The following IFFO2 variants were observed in gnomAD, a reference collection of about 807,000 sequenced individuals.
IFFO2 encodes the protein intermediate filament family orphan 2.
In IFFO2, 19 loss-of-function variants were observed where a neutral mutation model predicts 53.5. The observed-to-expected ratio is 0.36, with a 90% confidence interval of 0.25 to 0.52. IFFO2 has a LOEUF of 0.52. Among genes scored for constraint, IFFO2 ranks in the 20% least tolerant of loss-of-function variants. The pLI, the probability that IFFO2 is intolerant of heterozygous loss-of-function variation, is 0.94. For missense variants in IFFO2, 570 were observed against 727.4 expected (o/e 0.78, Z 2.49); for synonymous variants, 303 against 313.6 (o/e 0.97, Z 0.36).
chr1:18,916,892 G>C lies in IFFO2; in HGVS notation c.1103+11C>G. 6.4e-7 allele frequency: 1 copy of C among 1,551,680 alleles called. No homozygotes were observed. On this transcript the variant is annotated intron_variant, in intron 5 of 8. Coordinates refer to ENST00000455833, the MANE Select transcript of IFFO2 (RefSeq NM_001136265.2). The surrounding 1 kb of genome is among the most constrained non-coding windows in gnomAD (Gnocchi z 4.3). ...GGAAACGGAGAGTGTGCGGGCCACG[G>C]GGATACTCACAGCTGGTTAAACATG...
chr1:18,931,997 G>C (rs1429416150), intron 1 of IFFO2, among the ~76,000 whole-genome samples: 1 of 152,210 alleles, frequency 6.6e-6, no homozygotes, highest in Non-Finnish European at 1.5e-5. Flanking sequence ...GGTGCAGGAA[G>C]GCCTCGGCAC....
intron 1 of IFFO2, among the ~76,000 whole-genome samples, chr1:18,949,813 G>A (rs1046026871): frequency 2.0e-5 from 3 of 152,234 alleles, no homozygotes; most frequent in Admixed American, 1.3e-4. Context: ...GTGTGAGTGT[G>A]AGTGTGCATA....
chr1:18,924,319 C>A (rs1936253271), intron 1 of IFFO2, among the ~76,000 whole-genome samples: 1 of 151,274 alleles, frequency 6.6e-6, no homozygotes, highest in South Asian at 2.1e-4. Flanking sequence ...ACTGGTGAAC[C>A]AAGTTGCTGG....
At chr1:18,934,623 A>G (rs28703804) in intron 1 of IFFO2, among the ~76,000 whole-genome samples, 1 of 152,236 alleles carries the variant, frequency 6.6e-6, no homozygotes, top group Admixed American at 6.5e-5. Context: ...GATAAAACCA[A>G]TGTAAAACCC....
At chr1:18,938,224 G>T (rs1466363409) in intron 1 of IFFO2, among the ~76,000 whole-genome samples, 1 of 152,208 alleles carries the variant, frequency 6.6e-6, no homozygotes, top group Non-Finnish European at 1.5e-5. Context: ...CTGTAAAATG[G>T]GAATAACAAT....
chr1:18,909,209 G>A (rs939492982), intron 8 of IFFO2, among the ~76,000 whole-genome samples: 4 of 152,164 alleles, frequency 2.6e-5, no homozygotes, highest in Non-Finnish European at 5.9e-5. Flanking sequence ...CCTGCACACA[G>A]ATCTGGCCCC....
In IFFO2 at chr1:18,921,045, A is replaced by G. The variant is rs1936209083; in HGVS notation, c.726+16T>C. The G allele has an allele frequency of 6.4e-7, 1 of 1,551,200 alleles. No homozygotes were observed. The highest frequency in any genetic ancestry group is 8.7e-7 in the Non-Finnish European group (1 of 1,146,378). On this transcript the variant is annotated intron_variant, in intron 2 of 8. Transcript: ENST00000455833. Reference sequence around the variant, plus strand: ...CTGGCGTGCCTCTCCTGGTCGGGATATCGGAGGGCTCTTACCTCCTGCAGC... The same window carrying G: ...CTGGCGTGCCTCTCCTGGTCGGGATGTCGGAGGGCTCTTACCTCCTGCAGC...
chr1:18,939,495 G>A (rs1936494142), intron 1 of IFFO2, among the ~76,000 whole-genome samples: 1 of 152,206 alleles, frequency 6.6e-6, no homozygotes. Flanking sequence ...AGTGATCCCT[G>A]GGATTCAGGC....
At position 18,918,950 on chromosome 1, in the gene IFFO2, G is replaced by T. The variant is rs902263994; in HGVS notation, c.823-448C>A. On this transcript the variant is annotated intron_variant, in intron 3 of 8. Transcript: ENST00000455833. This position sits in a 1 kb window ranked among gnomAD's most constrained non-coding sequence, Gnocchi z 5.2. The stretch of plus-strand genomic sequence containing the variant: ...GAGGACCACAGGGTTGATCCCCTTG[G>T]ACACAAGTGAGAGGGAGCCCAGTGG... 6.6e-6 allele frequency among the ~76,000 whole-genome samples: 1 copy of T among 152,100 alleles called. No individual in the cohort carries two copies. Among genetic ancestry groups the T allele is most frequent in the Non-Finnish European group, 1.5e-5 (1 of 68,012 alleles).
At position 18,908,439 on chromosome 1, in the gene IFFO2, G is replaced by A; in HGVS notation, c.*122C>T. On this transcript the variant is annotated 3_prime_UTR_variant, in exon 9 of 9. Coordinates refer to ENST00000455833, the MANE Select transcript of IFFO2 (RefSeq NM_001136265.2). ...AGTCCCTCAGGGCCTCCAGAGAAGG[G>A]AGGGCAGAGAAAGTCTGTGTGGTGT... 1.4e-6 allele frequency: 1 copy of A among 698,400 alleles called. No homozygotes were observed. The allele number at this position is 698,400 out of a possible 1,614,324, so 43.3% of individuals were successfully genotyped here.
At chr1:18,954,745 C>G (rs1422340303) in intron 1 of IFFO2, among the ~76,000 whole-genome samples, 1 of 152,216 alleles carries the variant, frequency 6.6e-6, no homozygotes, top group African/African-American at 2.4e-5. Context: ...GAAGCAATGA[C>G]AGTTTCCCAG....
chr1:18,908,495 T>C lies in IFFO2; in HGVS notation c.*66A>G, dbSNP rs1260975034. The C allele has an allele frequency of 1.7e-6, 2 of 1,209,136 alleles. No homozygotes were observed. Among genetic ancestry groups the C allele is most frequent in the Admixed American group, 2.0e-5 (1 of 50,468 alleles). 74.9% of individuals were successfully genotyped at this position (1,209,136 alleles called of 1,614,324 possible). On this transcript the variant is annotated 3_prime_UTR_variant, in exon 9 of 9. Transcript: ENST00000455833. The stretch of plus-strand genomic sequence containing the variant: ...CGAACCCCACTCCGAGGGGCCTTCC[T>C]GGCCCCATGAGGAGAGGTGGCAGGG...
In IFFO2 at chr1:18,955,830, C is replaced by G; in HGVS notation, c.503G>C (p.Arg168Pro). ...CTCCACGCCGCCGCCGCCCGTGCGC[C>G]GCACCTGCGTGTAGCTCCAGATGGT... ...PGTIWSYTQV[R>P]RTGGGGVETV... The change falls in exon 1 of 9, where the codon CGG (arginine) becomes CCG (proline). Residue 168 changes from arginine to proline, a missense_variant. Coordinates refer to ENST00000455833, the MANE Select transcript of IFFO2 (RefSeq NM_001136265.2). 1.3e-6 allele frequency: 2 copies of G among 1,516,994 alleles called. No homozygotes were observed. Among genetic ancestry groups the G allele is most frequent in the South Asian group, 1.2e-5 (1 of 82,210 alleles). The allele number at this position is 1,516,994 out of a possible 1,614,324, so 94.0% of individuals were successfully genotyped here. A position where few individuals can be genotyped will look rare whatever the true frequency, so the allele number is the denominator to read the frequency against.
Position 18,906,311 on chromosome 1 carries a change from C to T in IFFO2, c.*2250G>A, listed in dbSNP as rs1043584101. 1 of 152,202 alleles carries T rather than the reference C, an allele frequency of 6.6e-6. No homozygotes were observed. The highest frequency in any genetic ancestry group is 1.5e-5 in the Non-Finnish European group (1 of 68,042). The allele number at this position is 152,202 out of a possible 1,614,324, so 9.4% of individuals were successfully genotyped here. On this transcript the variant is annotated 3_prime_UTR_variant, in exon 9 of 9. Transcript: ENST00000455833. ...TACAAGGAGGAAAGTAAAAATAATACCGCCGGACACCGATAACCACAGTAA... is the reference window on the plus strand; with the variant it reads ...TACAAGGAGGAAAGTAAAAATAATATCGCCGGACACCGATAACCACAGTAA...
rs866602154 is a variant in IFFO2, at chr1:18,908,188, G to A, written c.*373C>T. 4.7e-5 allele frequency: 11 copies of A among 232,528 alleles called. No homozygotes were observed. Among genetic ancestry groups the A allele is most frequent in the Middle Eastern group, 3.8e-3 (2 of 532 alleles). 14.4% of individuals were successfully genotyped at this position (232,528 alleles called of 1,614,324 possible). A position where few individuals can be genotyped will look rare whatever the true frequency, so the allele number is the denominator to read the frequency against. On this transcript the variant is annotated 3_prime_UTR_variant, in exon 9 of 9. Transcript: ENST00000455833. ...ACATTACACCACGGCCGGTTGGCCC[G>A]GCCCTCAGCTTAGAGTTCTGTATAA...
chr1:18,937,496 C>G (rs1936465238), intron 1 of IFFO2, among the ~76,000 whole-genome samples: 1 of 152,158 alleles, frequency 6.6e-6, no homozygotes, highest in African/African-American at 2.4e-5. Context: ...CCCCACAACA[C>G]ACAAACAAGA....
intron 1 of IFFO2, among the ~76,000 whole-genome samples, chr1:18,952,349 C>T (rs1388879332): frequency 2.6e-5 from 4 of 152,136 alleles, no homozygotes; most frequent in Non-Finnish European, 5.9e-5. Context: ...GCACCCCAGG[C>T]CAGGGGCTCT....
At chr1:18,953,825 A>G (rs1399734918) in intron 1 of IFFO2, among the ~76,000 whole-genome samples, 2 of 152,206 alleles carry the variant, frequency 1.3e-5, no homozygotes, top group Non-Finnish European at 2.9e-5. Context: ...TCGTTGCTCA[A>G]TGCCAACCCA....
chr1:18,910,287 G>T, intron 8 of IFFO2, 55 bp downstream of exon 8: 1 of 1,554,258 alleles, frequency 6.4e-7, no homozygotes, highest in South Asian at 1.2e-5. Context: ...TGCAGCCTTG[G>T]GAATTCCCCT....
Sources: allele counts gnomAD v4.1 joint callset (sites outside exome capture counted in the v4.1 genomes callset), GRCh38; gene constraint gnomAD v4.1.1; non-coding constraint Gnocchi (gnomAD v3.1); transcripts MANE v1.5; gene names NCBI Gene and HGNC (gene_info 2026-07-23, HGNC 2026-07-21).